GNAL: variants seen among roughly 807,000 people sequenced by gnomAD.
GNAL encodes G protein subunit alpha L.
GNAL carries 18 observed loss-of-function variants against 55.1 expected under a neutral mutation model. The observed-to-expected ratio is 0.33, with a 90% CI of 0.23 to 0.48. The LOEUF (loss-of-function observed/expected upper bound fraction) is 0.48, where lower values mean the gene tolerates loss of function less well. Among genes scored for constraint, GNAL ranks in the 20% least tolerant of loss-of-function variants. The pLI, the probability that GNAL is intolerant of heterozygous loss-of-function variation, is 0.99. For missense variants in GNAL, 412 were observed against 614.1 expected (o/e 0.67, Z 3.48); for synonymous variants, 253 against 237.0 (o/e 1.07, Z -0.62).
intron 1 of GNAL, among the ~76,000 whole-genome samples, chr18:11,701,042 G>A (rs373565028): frequency 6.6e-6 from 1 of 152,222 alleles, no homozygotes; most frequent in African/African-American, 2.4e-5. Context: ...AAGGCAGAGA[G>A]CACAGCCTCA....
At chr18:11,821,057 A>G (rs764674458) in intron 4 of GNAL, among the ~76,000 whole-genome samples, 2 of 152,238 alleles carry the variant, frequency 1.3e-5, no homozygotes, top group Non-Finnish European at 2.9e-5. Flanking sequence ...ACAACAGGAC[A>G]TTAAGCCTTA....
intron 10 of GNAL, among the ~76,000 whole-genome samples, chr18:11,872,659 G>A (rs1057399250): frequency 1.3e-5 from 2 of 152,322 alleles, no homozygotes; most frequent in Non-Finnish European, 2.9e-5. Context: ...ATGTGACTGT[G>A]TCATGCTGGT....
At chr18:11,758,702 A>C (rs1266497480) in intron 4 of GNAL, among the ~76,000 whole-genome samples, 1 of 152,114 alleles carries the variant, frequency 6.6e-6, no homozygotes, top group South Asian at 2.1e-4. Flanking sequence ...TCATGAATAC[A>C]CCCAAAGCTT....
chr18:11,739,479 GAGACAATA>G (rs2032529705), intron 1 of GNAL, among the ~76,000 whole-genome samples: 1 of 152,112 alleles, frequency 6.6e-6, no homozygotes. Flanking sequence ...ATTGGATATT[GAGACAATA>G]AGTGTGTCTG....
chr18:11,738,009 G>C (rs2032495250), intron 1 of GNAL, among the ~76,000 whole-genome samples: 1 of 152,198 alleles, frequency 6.6e-6, no homozygotes, highest in South Asian at 2.1e-4. Context: ...CAGGCCGGCA[G>C]AACCCCCAGC....
chr18:11,826,280 AGG>A, intron 5 of GNAL, among the ~76,000 whole-genome samples: 6 of 20,824 alleles, frequency 2.9e-4, no homozygotes, highest in Admixed American at 2.3e-3. Flanking sequence ...GAGGAGGAGG[AGG>A]AGCGGGGAGG....
intron 4 of GNAL, among the ~76,000 whole-genome samples, chr18:11,793,111 G>C (rs10401123): frequency 0.24 from 37,182 of 152,056 alleles, 5,357 homozygotes; most frequent in African/African-American, 0.4. Flanking sequence ...TGATTTCTTG[G>C]ATATGACATC....
At chr18:11,701,184 C>T (rs2031559305) in intron 1 of GNAL, among the ~76,000 whole-genome samples, 1 of 152,150 alleles carries the variant, frequency 6.6e-6, no homozygotes, top group Admixed American at 6.5e-5. Context: ...CAGGGATTCA[C>T]GTGGAACCTC....
chr18:11,769,845 A>G (rs1000669326), intron 4 of GNAL, among the ~76,000 whole-genome samples: 2 of 152,158 alleles, frequency 1.3e-5, no homozygotes, highest in African/African-American at 4.8e-5. Flanking sequence ...ATATACACAC[A>G]CACATGCACA....
At chr18:11,723,379 T>G (rs2143411752) in intron 1 of GNAL, among the ~76,000 whole-genome samples, 1 of 152,332 alleles carries the variant, frequency 6.6e-6, no homozygotes, top group Non-Finnish European at 1.5e-5. Flanking sequence ...TAAAAATCAT[T>G]CTTAGCTCAT....
At chr18:11,872,822 T>G (rs1343340486) in intron 10 of GNAL, among the ~76,000 whole-genome samples, 6 of 152,216 alleles carry the variant, frequency 3.9e-5, no homozygotes, top group African/African-American at 1.4e-4. Context: ...AGAGGAGAGA[T>G]AGCGTGTTCA....
chr18:11,885,674 A>T lies in GNAL; in HGVS notation c.*4539A>T. 1 of 1,611,494 alleles carries T rather than the reference A, an allele frequency of 6.2e-7. No homozygotes were observed. ...TCAGACAAAAATAAACTTTCACGTT[A>T]CCATGATGAAACTGGGGTTGTTTCT... On this transcript the variant is annotated 3_prime_UTR_variant, in exon 12 of 12. Transcript: ENST00000334049.
Position 11,752,596 on chromosome 18 carries a change from G to A in GNAL, c.377-257G>A. ...GCTCCTGGGTAAGGCCGAGGGGCGC[G>A]CGGCGGCTCCCGGCCCCAGCGGAGC... On this transcript the variant is annotated intron_variant, in intron 1 of 11. Transcript: ENST00000334049. This position sits in a 1 kb window ranked among gnomAD's most constrained non-coding sequence, Gnocchi z 4.5. 6.3e-7 allele frequency: 1 copy of A among 1,582,286 alleles called. No individual in the cohort carries two copies. Among genetic ancestry groups the A allele is most frequent in the South Asian group, 1.1e-5 (1 of 87,678 alleles).
intron 6 of GNAL, 109 bp downstream of exon 6, chr18:11,862,558 T>C: frequency 1.1e-6 from 1 of 944,768 alleles, no homozygotes; most frequent in African/African-American, 1.6e-5. Flanking sequence ...TTAAGATACC[T>C]ACTTTTTGCA....
chr18:11,822,101 G>A (rs1409814031), intron 4 of GNAL, among the ~76,000 whole-genome samples: 1 of 152,246 alleles, frequency 6.6e-6, no homozygotes, highest in Non-Finnish European at 1.5e-5. Context: ...CAGGCGCGGG[G>A]CGAGGGCGGC....
intron 5 of GNAL, chr18:11,853,580 A>G (rs61262839): frequency 1.8e-5 from 3 of 167,050 alleles, no homozygotes; most frequent in South Asian, 4.1e-4. Flanking sequence ...TTCATAACCA[A>G]CTATTCACTA....
chr18:11,874,677 G>A (rs950593222), intron 10 of GNAL, among the ~76,000 whole-genome samples: 1 of 148,086 alleles, frequency 6.8e-6, no homozygotes, highest in Non-Finnish European at 1.5e-5. Context: ...TCCTCAGATG[G>A]TACACGGACA....
At position 11,752,697 on chromosome 18, in the gene GNAL, A is replaced by G. The variant is rs2032895248; in HGVS notation, c.377-156A>G. 8.2e-7 allele frequency: 1 copy of G among 1,220,158 alleles called. No individual in the cohort carries two copies. Among genetic ancestry groups the G allele is most frequent in the Non-Finnish European group, 1.1e-6 (1 of 902,708 alleles). The allele number at this position is 1,220,158 out of a possible 1,614,324, so 75.6% of individuals were successfully genotyped here. Reference sequence around the variant, plus strand: ...GGTCGCGCGCACCTCTGGGCCGCGGAGCCCAGACGGCGGCCGGGGCGAGCT... The same window carrying G: ...GGTCGCGCGCACCTCTGGGCCGCGGGGCCCAGACGGCGGCCGGGGCGAGCT... On this transcript the variant is annotated intron_variant, in intron 1 of 11. Coordinates refer to ENST00000334049, the MANE Select transcript of GNAL (RefSeq NM_182978.4). This position sits in a 1 kb window ranked among gnomAD's most constrained non-coding sequence, Gnocchi z 4.5.
intron 5 of GNAL, among the ~76,000 whole-genome samples, chr18:11,831,617 G>T (rs572652538): frequency 2.6e-5 from 4 of 152,262 alleles, no homozygotes; most frequent in African/African-American, 9.6e-5. Flanking sequence ...ATGGGGAAAA[G>T]TATTCTGTTC....
Sources: allele counts gnomAD v4.1 joint callset (sites outside exome capture counted in the v4.1 genomes callset), GRCh38; gene constraint gnomAD v4.1.1; non-coding constraint Gnocchi (gnomAD v3.1); transcripts MANE v1.5; gene names NCBI Gene and HGNC (gene_info 2026-07-23, HGNC 2026-07-21).